The following NLRC3 variants were observed in gnomAD, a reference collection of about 807,000 sequenced individuals.
NLRC3 encodes NLR family CARD domain-containing protein 3.
NLRC3 carries 87 observed loss-of-function variants against 91.6 expected under a neutral mutation model. The ratio of observed to expected loss-of-function variants is 0.95; its 90% confidence interval spans 0.80 to 1.14. NLRC3 has a LOEUF of 1.14. Among genes scored for constraint, NLRC3 ranks in the 50% most tolerant of loss-of-function variants. NLRC3 has a pLI of 0.00. For synonymous variants in NLRC3, 694 were observed against 625.3 expected, an observed-to-expected ratio of 1.11 and a Z score of -1.64; for missense variants, 1,577 against 1,418.6, an observed-to-expected ratio of 1.11 and a Z score of -1.79.
At chr16:3,542,877 A>T in intron 17 of NLRC3, 102 bp from the exon 18 acceptor site, 1 of 728,562 alleles carries the variant, frequency 1.4e-6, no homozygotes, top group Non-Finnish European at 2.4e-6. Flanking sequence ...GGAAACAAGG[A>T]CTTCAGCAGT....
At chr16:3,556,748 C>G (rs941810094) in intron 8 of NLRC3, among the ~76,000 whole-genome samples, 163 bp downstream of exon 8, 1 of 152,138 alleles carries the variant, frequency 6.6e-6, no homozygotes, top group African/African-American at 2.4e-5. Flanking sequence ...AGCGATCCAC[C>G]TGTCTCAGCC....
chr16:3,559,062 G>A (rs551672174), intron 6 of NLRC3, among the ~76,000 whole-genome samples: 31 of 152,254 alleles, frequency 2.0e-4, no homozygotes, highest in African/African-American at 6.5e-4. Context: ...ATGAGCCACC[G>A]TGCCCAGCCT....
In NLRC3 at chr16:3,564,274, CA is replaced by C. The variant is rs1343193019; in HGVS notation, c.662del (p.Leu221TrpfsTer28). 20 of 1,612,040 alleles carry C rather than the reference CA, an allele frequency of 1.2e-5. No homozygotes were observed. The highest frequency in any genetic ancestry group is 1.7e-5 in the Non-Finnish European group (20 of 1,179,626). ...AGTCCAGAGGCGTCCTGCACTCATC[CA>C]AGCCGTCCAGGATCAGGAGGGCCCT... Reference protein sequence around the residue: ...PARALLILDGLDECRTPLDFS... With the variant: ...PARALLILDGXDECRTPLDFS... On this transcript the variant is annotated frameshift_variant, in exon 5 of 20. Transcript: ENST00000359128. LOFTEE classifies it high-confidence loss of function. This position sits in a 1 kb window ranked among gnomAD's most constrained non-coding sequence, Gnocchi z 5.9.
chr16:3,558,805 A>AT (rs1297245770), intron 6 of NLRC3, among the ~76,000 whole-genome samples: 3 of 152,058 alleles, frequency 2.0e-5, no homozygotes, highest in African/African-American at 7.2e-5. Flanking sequence ...ACAGGATCTC[A>AT]TTCTGTCACC....
At chr16:3,560,389 C>G (rs571568484) in intron 6 of NLRC3, among the ~76,000 whole-genome samples, 3 of 152,128 alleles carry the variant, frequency 2.0e-5, no homozygotes, top group Admixed American at 2.0e-4. Context: ...TGCCACTGCA[C>G]TCCAGCCTGC....
At chr16:3,553,111 A>C (rs2039099766) in intron 9 of NLRC3, among the ~76,000 whole-genome samples, 1 of 152,154 alleles carries the variant, frequency 6.6e-6, no homozygotes, top group South Asian at 2.1e-4. Flanking sequence ...GGCTAAATAC[A>C]AATCCTAAAA....
At chr16:3,558,574 A>G (rs977640422) in intron 6 of NLRC3, among the ~76,000 whole-genome samples, 2 of 137,972 alleles carry the variant, frequency 1.4e-5, no homozygotes, top group African/African-American at 6.0e-5. Context: ...TTTAAAATTA[A>G]AAAAAAACCA....
At position 3,540,242 on chromosome 16, in the gene NLRC3, G is replaced by A. The variant is rs548671972; in HGVS notation, c.*1583C>T. On this transcript the variant is annotated 3_prime_UTR_variant, in exon 20 of 20. Coordinates refer to ENST00000359128, the MANE Select transcript of NLRC3 (RefSeq NM_178844.4). Reference sequence around the variant, plus strand: ...GAGTAGGCCTTCATCCATGGCCTCAGCATCCATGATGGTTCCTGTCCGGAT... The same window carrying A: ...GAGTAGGCCTTCATCCATGGCCTCAACATCCATGATGGTTCCTGTCCGGAT... 6.6e-6 allele frequency: 1 copy of A among 152,352 alleles called. No homozygotes were observed. The highest frequency in any genetic ancestry group is 1.9e-4 in the East Asian group (1 of 5,196). The allele number at this position is 152,352 out of a possible 1,614,324, so 9.4% of individuals were successfully genotyped here.
In NLRC3 at chr16:3,541,677, A is replaced by C. The variant is rs893760399; in HGVS notation, c.*148T>G. ...AGAGGAGCTCACGACCTCCTCCGGC[A>C]GCACCTCTCCTTCCTCCCTGCAGAG... On this transcript the variant is annotated 3_prime_UTR_variant, in exon 20 of 20. Transcript: ENST00000359128. 9 of 626,408 alleles carry C rather than the reference A, an allele frequency of 1.4e-5. No individual in the cohort carries two copies. The highest frequency in any genetic ancestry group is 3.7e-5 in the African/African-American group (2 of 54,568). 38.8% of individuals were successfully genotyped at this position (626,408 alleles called of 1,614,324 possible).
intron 16 of NLRC3, 165 bp downstream of exon 16, chr16:3,544,081 C>T: frequency 1.7e-6 from 1 of 585,852 alleles, no homozygotes; most frequent in Non-Finnish European, 3.1e-6. Flanking sequence ...TCACTTGAAC[C>T]CAGGAGGTGG....
chr16:3,542,626 A>T, intron 18 of NLRC3, 66 bp downstream of exon 18: 1 of 922,056 alleles, frequency 1.1e-6, no homozygotes, highest in South Asian at 1.4e-5. Flanking sequence ...ATTTTATTCC[A>T]TCAGGGAGGA....
At chr16:3,544,547 C>T (rs373036606) in intron 15 of NLRC3, 7 of 542,132 alleles carry the variant, frequency 1.3e-5, no homozygotes, top group East Asian at 3.0e-5. Context: ...TCTGAACCGC[C>T]AGAGGCAAGC....
Position 3,577,305 on chromosome 16 carries a change from C to T in NLRC3, c.-325G>A. 1.5e-6 allele frequency: 1 copy of T among 664,338 alleles called. No homozygotes were observed. The highest frequency in any genetic ancestry group is 2.1e-5 in the Admixed American group (1 of 46,572). The allele number at this position is 664,338 out of a possible 1,614,324, so 41.2% of individuals were successfully genotyped here. On this transcript the variant is annotated 5_prime_UTR_variant, in exon 1 of 20. Transcript: ENST00000359128. ...GAGTTCTCAGGACCAGGGATCAGGG[C>T]ACTTACCACGCCAACCAACCAACCG...
intron 9 of NLRC3, among the ~76,000 whole-genome samples, chr16:3,553,356 T>C (rs549445335): frequency 6.6e-6 from 1 of 152,370 alleles, no homozygotes; most frequent in South Asian, 2.1e-4. Context: ...AAAGAGTCCC[T>C]CCTTCCCTGC....
In NLRC3 at chr16:3,563,962, C is replaced by T. The variant is rs2039746619; in HGVS notation, c.975G>A (p.Met325Ile). 2 of 1,602,042 alleles carry T rather than the reference C, an allele frequency of 1.2e-6. No homozygotes were observed. Among genetic ancestry groups the T allele is most frequent in the South Asian group, 1.1e-5 (1 of 89,910 alleles). ...QVQADRALYL[M>I]CTVPAFCRLT... is the part of the protein sequence containing the mutation. ...GCCTGCAGAAGGCTGGGACGGTGCA[C>T]ATCAGGTACAGGGCCCTGTCAGCCT... The change falls in exon 5 of 20, where the codon ATG becomes ATA. Residue 325 changes from methionine (M) to isoleucine (I), a missense_variant. By Grantham distance (10) the Met-to-Ile change is conservative (BLOSUM62 1). Coordinates refer to ENST00000359128, the MANE Select transcript of NLRC3 (RefSeq NM_178844.4).
At chr16:3,556,752 C>G (rs1381779335) in intron 8 of NLRC3, among the ~76,000 whole-genome samples, 159 bp downstream of exon 8, 1 of 152,184 alleles carries the variant, frequency 6.6e-6, no homozygotes, top group East Asian at 1.9e-4. Flanking sequence ...ATCCACCTGT[C>G]TCAGCCTCCC....
In NLRC3 at chr16:3,548,725, C is replaced by G. The variant is rs767867560; in HGVS notation, c.2632G>C (p.Gly878Arg). 3.7e-6 allele frequency: 6 copies of G among 1,604,724 alleles called. No homozygotes were observed. Among genetic ancestry groups the G allele is most frequent in the Non-Finnish European group, 5.1e-6 (6 of 1,176,038 alleles). Residue 878 changes from glycine to arginine, a missense_variant, in exon 14 of 20, where the codon GGT becomes CGT. Transcript: ENST00000359128. ...ACTGCCACTGCGATGGCCCGGGCAC[C>G]CTGGTCGTGGAGGAGGTTGGCTGTC... ...DLTANLLHDQ[G>R]ARAIAVAVRE...
Position 3,548,062 on chromosome 16 carries a change from A to G in NLRC3, c.2771+73T>C, listed in dbSNP as rs2038789927. 3.0e-6 allele frequency: 3 copies of G among 1,015,698 alleles called. No individual in the cohort carries two copies. The Admixed American group carries it at 6.0e-5, about 20-fold the overall frequency. 62.9% of individuals were successfully genotyped at this position (1,015,698 alleles called of 1,614,324 possible). ...GGTCACTGGATTGAGCCTCTGCCTG[A>G]TGGGTACCAGGTTTTCAGATTCCCC... On this transcript the variant is annotated intron_variant, in intron 15 of 19. Coordinates refer to ENST00000359128, the MANE Select transcript of NLRC3 (RefSeq NM_178844.4).
At chr16:3,553,166 AC>A (rs1486585991) in intron 9 of NLRC3, among the ~76,000 whole-genome samples, 1 of 152,130 alleles carries the variant, frequency 6.6e-6, no homozygotes, top group African/African-American at 2.4e-5. Context: ...ACTCCTTACC[AC>A]CCTCATTTTC....
Sources: gnomAD v4.1 joint callset for allele counts (sites outside exome capture counted in the v4.1 genomes callset) on GRCh38, gnomAD v4.1.1 for gene constraint, Gnocchi (gnomAD v3.1) non-coding constraint, MANE v1.5 for transcripts, NCBI Gene and HGNC (gene_info 2026-07-23, HGNC 2026-07-21) for gene names.